The following MDGA2 variants were observed in gnomAD, a reference collection of about 807,000 sequenced individuals.
MDGA2 encodes the protein MAM domain containing glycosylphosphatidylinositol anchor 2.
MDGA2 carries 40 observed loss-of-function variants against 117.8 expected under a neutral mutation model. That is an observed-to-expected ratio of 0.34 (90% CI 0.26 to 0.44). MDGA2 has a LOEUF of 0.44. Among genes scored for constraint, MDGA2 ranks in the 20% least tolerant of loss-of-function variants. MDGA2 has a pLI of 1.00. For missense variants in MDGA2, 1,123 were observed against 1,250.6 expected (o/e 0.90, Z 1.54); for synonymous variants, 452 against 439.0 (o/e 1.03, Z -0.37).
intron 5 of MDGA2, among the ~76,000 whole-genome samples, chr14:47,127,688 C>T (rs893397873): frequency 6.6e-6 from 1 of 151,996 alleles, no homozygotes; most frequent in African/African-American, 2.4e-5. Flanking sequence ...TACATATTAG[C>T]TGAAAAATAA....
chr14:47,397,775 CT>C (rs987509368), intron 1 of MDGA2, among the ~76,000 whole-genome samples: 21 of 151,864 alleles, frequency 1.4e-4, no homozygotes, highest in African/African-American at 5.1e-4. Context: ...GAAAGAAATG[CT>C]ATATAATTGT....
chr14:47,209,383 G>C (rs7158081), intron 3 of MDGA2, among the ~76,000 whole-genome samples: 20,486 of 152,022 alleles, frequency 0.13, 1,501 homozygotes, highest in African/African-American at 0.2. Context: ...GAGATTTTCA[G>C]AATCAGGTTG....
At chr14:47,520,444 T>A (rs140411192) in intron 1 of MDGA2, among the ~76,000 whole-genome samples, 1 of 152,296 alleles carries the variant, frequency 6.6e-6, no homozygotes, top group East Asian at 1.9e-4. Context: ...GAGGCTGATG[T>A]CAATGATAAG....
At position 47,199,877 on chromosome 14, in the gene MDGA2, T is replaced by C. The variant is rs537607781; in HGVS notation, c.595+18144A>G. 2.6e-5 allele frequency among the ~76,000 whole-genome samples: 4 copies of C among 152,268 alleles called. No individual in the cohort carries two copies. The East Asian group carries it at 7.7e-4, about 29-fold the overall frequency. ...ACTTCATTGCAAGTTTTGGCTTAAA[T>C]GGCTGACCAATAGTAAAAAGCATCC... On this transcript the variant is annotated intron_variant, in intron 3 of 16. Transcript: ENST00000399232.
chr14:47,571,809 T>C (rs1324656808), intron 1 of MDGA2, among the ~76,000 whole-genome samples: 2 of 152,056 alleles, frequency 1.3e-5, no homozygotes, highest in Non-Finnish European at 2.9e-5. Flanking sequence ...CTAATGTAGA[T>C]GACGGGTTGA....
intron 7 of MDGA2, among the ~76,000 whole-genome samples, chr14:47,036,217 T>C (rs774052951): frequency 6.9e-6 from 1 of 144,734 alleles, no homozygotes; most frequent in Non-Finnish European, 1.5e-5. Context: ...TTGCAGTGAG[T>C]TGAGATTGCA....
chr14:46,858,001 T>G (rs1354112249), intron 14 of MDGA2, among the ~76,000 whole-genome samples: 1 of 151,880 alleles, frequency 6.6e-6, no homozygotes, highest in African/African-American at 2.4e-5. Context: ...TTCCTCTCTT[T>G]TGCACAATTA....
intron 15 of MDGA2, among the ~76,000 whole-genome samples, chr14:46,853,949 G>A (rs1881162752): frequency 6.6e-6 from 1 of 151,642 alleles, no homozygotes; most frequent in Admixed American, 6.6e-5. Flanking sequence ...GAAACAAAAT[G>A]ATTATTTTTC....
intron 1 of MDGA2, among the ~76,000 whole-genome samples, chr14:47,555,288 T>C (rs566260271): frequency 1.3e-5 from 2 of 152,162 alleles, no homozygotes; most frequent in Admixed American, 1.3e-4. Flanking sequence ...ATGCTGCAAC[T>C]TTCTCAGTCA....
chr14:47,140,624 T>C (rs942332815), intron 4 of MDGA2, among the ~76,000 whole-genome samples: 3 of 152,124 alleles, frequency 2.0e-5, no homozygotes, highest in African/African-American at 7.2e-5. Flanking sequence ...AGCTTGAATA[T>C]TCACATGCAG....
At chr14:47,406,396 CTA>C (rs1403546272) in intron 1 of MDGA2, among the ~76,000 whole-genome samples, 2 of 151,900 alleles carry the variant, frequency 1.3e-5, no homozygotes, top group African/African-American at 4.8e-5. Flanking sequence ...AATATGGTAA[CTA>C]TGTACTTAAT....
At chr14:47,431,076 T>C (rs1053915286) in intron 1 of MDGA2, among the ~76,000 whole-genome samples, 2 of 152,228 alleles carry the variant, frequency 1.3e-5, no homozygotes, top group South Asian at 4.1e-4. Context: ...TGGTTAGCCC[T>C]GACCATGTCA....
rs186611623 is a variant in MDGA2, at chr14:47,428,281, T to C, written c.281-126731A>G. The stretch of plus-strand genomic sequence containing the variant: ...TCAGTCATTCTCATATTTGAAAAGA[T>C]TAATGTGCAGTTTTAAAGTACAATT... On this transcript the variant is annotated intron_variant, in intron 1 of 16. Transcript: ENST00000399232. Among the ~76,000 whole-genome samples the C allele has an allele frequency of 2.2e-3, 342 of 152,282 alleles. 3 individuals carry two copies. The highest frequency in any genetic ancestry group is 7.9e-3 in the African/African-American group (330 of 41,570).
chr14:46,968,976 A>C (rs1442395186), intron 8 of MDGA2, among the ~76,000 whole-genome samples: 2 of 152,140 alleles, frequency 1.3e-5, no homozygotes, highest in Non-Finnish European at 2.9e-5. Context: ...AAACAATCCC[A>C]CTTGCAATAG....
At chr14:47,293,633 G>C (rs1888962963) in intron 2 of MDGA2, among the ~76,000 whole-genome samples, 1 of 152,112 alleles carries the variant, frequency 6.6e-6, no homozygotes, top group Admixed American at 6.5e-5. Context: ...CATTTACTAA[G>C]CATTTATGTT....
intron 1 of MDGA2, among the ~76,000 whole-genome samples, chr14:47,434,500 T>C (rs1275420043): frequency 6.6e-6 from 1 of 152,146 alleles, no homozygotes; most frequent in African/African-American, 2.4e-5. Flanking sequence ...TCTTACTAAT[T>C]CTAGACTATT....
chr14:47,661,768 T>A (rs1594969030), intron 1 of MDGA2, among the ~76,000 whole-genome samples: 1 of 148,288 alleles, frequency 6.7e-6, no homozygotes, highest in Admixed American at 6.7e-5. Context: ...TTTTTTTTTT[T>A]GAGACAGAGT....
In MDGA2 at chr14:47,071,384, G is replaced by A. The variant is rs142295946; in HGVS notation, c.1196-9806C>T. ...TTGGTTAATTAAAAGATGGCAGGGT[G>A]CTGAGGTGTGAAGAGACTCAAAACT... is the stretch of plus-strand genomic sequence containing the variant. On this transcript the variant is annotated intron_variant, in intron 6 of 16. Transcript: ENST00000399232. Among the ~76,000 whole-genome samples the A allele has an allele frequency of 2.2e-3, 331 of 152,244 alleles. 2 individuals carry two copies. The highest frequency in any genetic ancestry group is 7.1e-3 in the African/African-American group (297 of 41,556).
intron 1 of MDGA2, among the ~76,000 whole-genome samples, chr14:47,374,569 T>C (rs1366142067): frequency 6.6e-6 from 1 of 152,086 alleles, no homozygotes; most frequent in African/African-American, 2.4e-5. Flanking sequence ...CAGTACAGAG[T>C]TTGCCAAACG....
Sources: allele counts gnomAD v4.1 joint callset (sites outside exome capture counted in the v4.1 genomes callset), GRCh38; gene constraint gnomAD v4.1.1; transcripts MANE v1.5; gene names NCBI Gene and HGNC (gene_info 2026-07-23, HGNC 2026-07-21).